The following GUCY2C variants were observed in gnomAD, a reference collection of about 807,000 sequenced individuals.
GUCY2C encodes the protein guanylate cyclase 2C.
GUCY2C carries 118 observed loss-of-function variants against 131.1 expected under a neutral mutation model. The ratio of observed to expected loss-of-function variants is 0.90; its 90% CI spans 0.78 to 1.05. The LOEUF (loss-of-function observed/expected upper bound fraction) is 1.05. Among genes scored for constraint, GUCY2C ranks in the 50% least tolerant of loss-of-function variants. The pLI is 0.00. For missense variants in GUCY2C, 1,161 were observed against 1,304.4 expected (o/e 0.89, Z 1.69); for synonymous variants, 452 against 457.8 (o/e 0.99, Z 0.16).
intron 23 of GUCY2C, among the ~76,000 whole-genome samples, chr12:14,620,441 T>C (rs549849959): frequency 1.1e-4 from 17 of 152,336 alleles, no homozygotes; most frequent in Admixed American, 7.8e-4. Flanking sequence ...GAACCTCTTC[T>C]GGTTTTAAGG....
Position 14,696,299 on chromosome 12 carries a change from G to A in GUCY2C, c.150C>T (p.Pro50=), listed in dbSNP as rs770482109. Residue 50 remains proline (P), a synonymous_variant, in exon 1 of 27, where the codon CCC becomes CCT. Coordinates refer to ENST00000261170, the MANE Select transcript of GUCY2C (RefSeq NM_004963.4). ...LMMGNSAFAE[P]LKNLEDAVNE... ...TCACCGCATCTTCCAAGTTTTTCAG[G>A]GGCTCTGCAAAGGCTGAGTTGCCCA... The A allele has an allele frequency of 6.2e-7, 1 of 1,614,010 alleles. No individual in the cohort carries two copies. Among genetic ancestry groups the A allele is most frequent in the Non-Finnish European group, 8.5e-7 (1 of 1,179,974 alleles).
chr12:14,690,604 C>T (rs560008414), intron 1 of GUCY2C, among the ~76,000 whole-genome samples: 11 of 152,074 alleles, frequency 7.2e-5, no homozygotes, highest in African/African-American at 2.4e-4. Context: ...TGCAGTGGCG[C>T]GATCTCTGCT....
Position 14,620,980 on chromosome 12 carries a change from G to C in GUCY2C, c.2776+62C>G. ...CACTTGAAGACCTTTTATCCTTTCT[G>C]ATTTAGTTGGTGCACAGCAGTACAT... On this transcript the variant is annotated intron_variant, in intron 23 of 26. Transcript: ENST00000261170. 8 of 1,296,798 alleles carry C rather than the reference G, an allele frequency of 6.2e-6. No homozygotes were observed. The South Asian group carries it at 1.0e-4, about 17-fold the overall frequency. 80.3% of individuals were successfully genotyped at this position (1,296,798 alleles called of 1,614,324 possible).
chr12:14,664,800 A>G (rs900599152), intron 10 of GUCY2C, among the ~76,000 whole-genome samples: 1 of 152,218 alleles, frequency 6.6e-6, no homozygotes, highest in Non-Finnish European at 1.5e-5. Context: ...CAGAGTATAG[A>G]TGAGTGCTGG....
intron 19 of GUCY2C, among the ~76,000 whole-genome samples, chr12:14,638,827 T>C (rs769206416): frequency 4.4e-4 from 67 of 152,284 alleles, no homozygotes; most frequent in Admixed American, 2.4e-3. Context: ...AACAATGTAT[T>C]GTACATTTCA....
At chr12:14,659,821 C>G (rs1192595818) in intron 11 of GUCY2C, among the ~76,000 whole-genome samples, 10 of 152,336 alleles carry the variant, frequency 6.6e-5, no homozygotes, top group African/African-American at 2.2e-4. Context: ...TGCCAGGCCC[C>G]CTCATGGGCA....
Position 14,625,884 on chromosome 12 carries a change from TA to T in GUCY2C, c.2280del (p.Tyr760Ter), listed in dbSNP as rs1200196862. 3 of 1,613,394 alleles carry T rather than the reference TA, an allele frequency of 1.9e-6. No homozygotes were observed. The African/African-American group carries it at 4.0e-5, about 22-fold the overall frequency. On this transcript the variant is annotated frameshift_variant, in exon 21 of 27. Coordinates refer to ENST00000261170, the MANE Select transcript of GUCY2C (RefSeq NM_004963.4). LOFTEE classifies it high-confidence loss of function. ...GLFHDQKNES[Y>X]MDTLIRRLQL... ...TGTAGACGTCGGATCAAGGTATCCA[TA>T]TAGCTTTCATTTTTTTGGTCATGAA...
Position 14,696,281 on chromosome 12 carries a change from A to G in GUCY2C, c.168T>C (p.Asp56=), listed in dbSNP as rs141230079. ...CTATTTCCAGCCCCTCATTCACCGCATCTTCCAAGTTTTTCAGGGGCTCTG... is the reference window on the plus strand; with the variant it reads ...CTATTTCCAGCCCCTCATTCACCGCGTCTTCCAAGTTTTTCAGGGGCTCTG... ...AFAEPLKNLE[D]AVNEGLEIVR... Residue 56 remains aspartate, a synonymous_variant, in exon 1 of 27, where the codon GAT becomes GAC. Transcript: ENST00000261170. 6.2e-7 allele frequency: 1 copy of G among 1,614,052 alleles called. No homozygotes were observed. Among genetic ancestry groups the G allele is most frequent in the Non-Finnish European group, 8.5e-7 (1 of 1,179,998 alleles).
intron 5 of GUCY2C, among the ~76,000 whole-genome samples, chr12:14,680,778 G>A (rs1039840505): frequency 6.6e-6 from 1 of 152,124 alleles, no homozygotes; most frequent in Non-Finnish European, 1.5e-5. Context: ...CCTAGGCAGT[G>A]TACGCTGTAC....
chr12:14,652,049 T>A lies in GUCY2C; in HGVS notation c.1534-19A>T. 1.4e-6 allele frequency: 2 copies of A among 1,473,768 alleles called. No homozygotes were observed. Among genetic ancestry groups the A allele is most frequent in the Non-Finnish European group, 1.9e-6 (2 of 1,052,742 alleles). 91.3% of individuals were successfully genotyped at this position (1,473,768 alleles called of 1,614,324 possible). On this transcript the variant is annotated intron_variant, in intron 13 of 26. Transcript: ENST00000261170. ...TCACTCGCTGCAAAAATCAATGAAA[T>A]TTAGGAGACAGTGTTGTGGTGTAAC...
chr12:14,614,100 GC>G (rs1946706850), intron 26 of GUCY2C, among the ~76,000 whole-genome samples: 1 of 152,086 alleles, frequency 6.6e-6, no homozygotes, highest in African/African-American at 2.4e-5. Flanking sequence ...GAGCCTCTTT[GC>G]CCCCAGTATG....
At chr12:14,632,790 C>T (rs942738694) in intron 19 of GUCY2C, among the ~76,000 whole-genome samples, 9 of 152,158 alleles carry the variant, frequency 5.9e-5, no homozygotes, top group African/African-American at 1.9e-4. Flanking sequence ...TTCAGCCTAC[C>T]GTGTAGGGGC....
At chr12:14,633,273 T>C (rs1017569205) in intron 19 of GUCY2C, among the ~76,000 whole-genome samples, 1 of 152,092 alleles carries the variant, frequency 6.6e-6, no homozygotes, top group Non-Finnish European at 1.5e-5. Flanking sequence ...CCACTAACAA[T>C]GACATCCTAA....
chr12:14,690,794 G>A (rs1414270612), intron 1 of GUCY2C, among the ~76,000 whole-genome samples: 5 of 152,122 alleles, frequency 3.3e-5, no homozygotes, highest in Non-Finnish European at 5.9e-5. Flanking sequence ...GCCCGCCTCG[G>A]CCTCCCAAAG....
rs1408399549 is a variant in GUCY2C at position 14,651,435 on chromosome 12, A to G, written c.1682T>C (p.Ile561Thr). The stretch of plus-strand genomic sequence containing the variant: ...GAGGGATCCTCTCTCACAGTATTCT[A>G]TCACCCCGAAGATCATGGTATCAAG... Reference protein sequence around the residue: ...VKLDTMIFGVIEYCERGSLRE... With the variant: ...VKLDTMIFGVTEYCERGSLRE... Residue 561 changes from isoleucine to threonine, a missense_variant, in exon 15 of 27, where the codon ATA (isoleucine) becomes ACA (threonine). Physicochemically the swap from Ile to Thr is moderately conservative, Grantham distance 89. Transcript: ENST00000261170. 7 of 1,595,156 alleles carry G rather than the reference A, an allele frequency of 4.4e-6. No homozygotes were observed. The highest frequency in any genetic ancestry group is 1.3e-5 in the African/African-American group (1 of 74,568).
At chr12:14,687,608 A>G (rs1948496465) in intron 2 of GUCY2C, among the ~76,000 whole-genome samples, 1 of 152,232 alleles carries the variant, frequency 6.6e-6, no homozygotes. Context: ...CAACAGAGGG[A>G]GACCCTGTCT....
chr12:14,652,725 C>T (rs532424384), intron 13 of GUCY2C, among the ~76,000 whole-genome samples: 33 of 152,312 alleles, frequency 2.2e-4, no homozygotes, highest in African/African-American at 7.5e-4. Context: ...TTCCTACACT[C>T]CACCCTTCCC....
At chr12:14,683,020 A>C (rs1412265610) in intron 4 of GUCY2C, 22 bp downstream of exon 4, 13 of 1,534,626 alleles carry the variant, frequency 8.5e-6, no homozygotes, top group Non-Finnish European at 1.2e-5. Context: ...AGTGCTAGTG[A>C]AATATTAATG....
chr12:14,687,822 C>T (rs558154215), intron 2 of GUCY2C, 129 bp downstream of exon 2: 66 of 632,614 alleles, frequency 1.0e-4, no homozygotes, highest in African/African-American at 7.9e-4. Flanking sequence ...GCCTGGTACT[C>T]GGCCACTCAT....
Sources: gnomAD v4.1 joint callset for allele counts (sites outside exome capture counted in the v4.1 genomes callset) on GRCh38, gnomAD v4.1.1 for gene constraint, MANE v1.5 for transcripts, NCBI Gene and HGNC (gene_info 2026-07-23, HGNC 2026-07-21) for gene names.